OSBPL1A: variants seen among roughly 807,000 people sequenced by gnomAD.
OSBPL1A encodes the protein oxysterol-binding protein-related protein 1.
Under a neutral mutation model 137.1 loss-of-function variants are expected in OSBPL1A, and 80 were observed. The observed-to-expected ratio is 0.58, with a 90% CI of 0.49 to 0.70. OSBPL1A has a LOEUF of 0.70. Among genes scored for constraint, OSBPL1A ranks in the 30% least tolerant of loss-of-function variants. The pLI is 0.00. For missense variants in OSBPL1A, 970 were observed against 1,129.4 expected (o/e 0.86, Z 2.02); for synonymous variants, 365 against 389.7 (o/e 0.94, Z 0.75).
At chr18:24,377,677 G>C (rs556165736) in intron 1 of OSBPL1A, 142 bp from the exon 2 acceptor site, 1 of 865,156 alleles carries the variant, frequency 1.2e-6, no homozygotes, top group African/African-American at 1.7e-5. Flanking sequence ...TCCGTTGCAG[G>C]GTGAGAACTT....
chr18:24,182,500 C>T (rs141646214), intron 18 of OSBPL1A, among the ~76,000 whole-genome samples: 1 of 152,284 alleles, frequency 6.6e-6, no homozygotes, highest in East Asian at 1.9e-4. Flanking sequence ...GGCTGAATGC[C>T]ACCTGACTTA....
intron 4 of OSBPL1A, among the ~76,000 whole-genome samples, chr18:24,361,701 C>A (rs1040430155): frequency 1.3e-5 from 2 of 152,130 alleles, no homozygotes; most frequent in Non-Finnish European, 2.9e-5. Flanking sequence ...ATTAATGCAA[C>A]TTAGTAGCAG....
intron 16 of OSBPL1A, among the ~76,000 whole-genome samples, chr18:24,233,819 CTT>C (rs1252655503): frequency 6.6e-6 from 1 of 151,978 alleles, no homozygotes; most frequent in Non-Finnish European, 1.5e-5. Context: ...CGGATAAAGT[CTT>C]TTGTATTTTT....
At chr18:24,224,967 CAT>C in intron 17 of OSBPL1A, 73 bp downstream of exon 17, 1 of 1,565,756 alleles carries the variant, frequency 6.4e-7, no homozygotes, top group Admixed American at 1.7e-5. Flanking sequence ...GAAGACAAGA[CAT>C]ATATTTCTTT....
chr18:24,250,189 T>TTTTTTTTTTG (rs2089043904), intron 15 of OSBPL1A, among the ~76,000 whole-genome samples: 1 of 21,800 alleles, frequency 4.6e-5, no homozygotes, highest in Non-Finnish European at 9.2e-5. Context: ...TTTGTTTGTT[T>TTTTTTTTTTG]TTTTTGACAT....
chr18:24,175,133 T>TAC lies in OSBPL1A; in HGVS notation c.2094-2651_2094-2650insGT, dbSNP rs1555625088. ...GTATATATATATATATATATATATA[T>TAC]ATACACATATATATATATATATGAA... On this transcript the variant is annotated intron_variant, in intron 21 of 27. Coordinates refer to ENST00000319481, the MANE Select transcript of OSBPL1A (RefSeq NM_080597.4). Among the ~76,000 whole-genome samples the TAC allele has an allele frequency of 2.0e-3, 251 of 122,654 alleles. 10 individuals are homozygous for TAC. Among genetic ancestry groups the TAC allele is most frequent in the African/African-American group, 8.8e-3 (244 of 27,850 alleles). 80.5% of individuals were successfully genotyped at this position (122,654 alleles called of 152,430 possible). A position where few individuals can be genotyped will look rare whatever the true frequency, so the allele number is the denominator to read the frequency against.
chr18:24,397,489 GC>G (rs2144302714), intron 1 of OSBPL1A, 165 bp downstream of exon 1: 2 of 152,454 alleles, frequency 1.3e-5, no homozygotes, highest in East Asian at 3.9e-4. Flanking sequence ...CTCGGCTGCA[GC>G]CCTGCGTCGC....
At chr18:24,346,474 C>T (rs534801407) in intron 4 of OSBPL1A, among the ~76,000 whole-genome samples, 27 of 152,244 alleles carry the variant, frequency 1.8e-4, no homozygotes, top group African/African-American at 6.0e-4. Flanking sequence ...CTGCCTATTT[C>T]CCCTCCTCAT....
intron 17 of OSBPL1A, among the ~76,000 whole-genome samples, chr18:24,208,764 A>G (rs993689686): frequency 1.3e-5 from 2 of 152,240 alleles, no homozygotes; most frequent in Admixed American, 1.3e-4. Flanking sequence ...TTAGGGATCT[A>G]GAATGAGTAA....
At chr18:24,235,727 G>T (rs543171339) in intron 16 of OSBPL1A, among the ~76,000 whole-genome samples, 1 of 152,298 alleles carries the variant, frequency 6.6e-6, no homozygotes, top group Non-Finnish European at 1.5e-5. Context: ...AGAGATCAAG[G>T]CTGGAGATAT....
At chr18:24,230,042 G>A (rs2088222199) in intron 16 of OSBPL1A, among the ~76,000 whole-genome samples, 2 of 152,178 alleles carry the variant, frequency 1.3e-5, no homozygotes, top group African/African-American at 4.8e-5. Flanking sequence ...GGGCCACCAC[G>A]CCCCACCAAT....
At chr18:24,319,789 C>T (rs954163725) in intron 7 of OSBPL1A, among the ~76,000 whole-genome samples, 3 of 152,038 alleles carry the variant, frequency 2.0e-5, no homozygotes, top group African/African-American at 7.2e-5. Flanking sequence ...ACAGTCCTTT[C>T]AAAACAACAT....
chr18:24,269,539 TATAA>T (rs1249844067), intron 15 of OSBPL1A, among the ~76,000 whole-genome samples: 1 of 152,128 alleles, frequency 6.6e-6, no homozygotes, highest in Non-Finnish European at 1.5e-5. Flanking sequence ...GTAAACAATC[TATAA>T]ATATTTATCA....
chr18:24,224,925 T>G (rs149281380), intron 17 of OSBPL1A, 117 bp downstream of exon 17: 386 of 1,307,084 alleles, frequency 3.0e-4, no homozygotes, highest in Admixed American at 7.2e-4. Flanking sequence ...TGAGGTGATA[T>G]AGCAATATAA....
intron 15 of OSBPL1A, among the ~76,000 whole-genome samples, chr18:24,254,568 A>G (rs898002841): frequency 1.3e-5 from 2 of 152,182 alleles, no homozygotes; most frequent in African/African-American, 4.8e-5. Flanking sequence ...CAAACAAACA[A>G]TATGCTCCTG....
intron 17 of OSBPL1A, 98 bp downstream of exon 17, chr18:24,224,944 C>G: frequency 6.8e-7 from 1 of 1,473,566 alleles, no homozygotes; most frequent in African/African-American, 1.4e-5. Flanking sequence ...AAATCCCCTA[C>G]ACGGGGAAAA....
intron 15 of OSBPL1A, among the ~76,000 whole-genome samples, chr18:24,268,819 A>G (rs2089645917): frequency 6.6e-6 from 1 of 152,146 alleles, no homozygotes; most frequent in East Asian, 1.9e-4. Flanking sequence ...TTTGACCTCA[A>G]TTACCATGTT....
chr18:24,358,365 G>C (rs531888210), intron 4 of OSBPL1A: 2 of 662,998 alleles, frequency 3.0e-6, no homozygotes, highest in East Asian at 5.4e-5. Flanking sequence ...CAGCAGAAAG[G>C]CTGAGGCATC....
At chr18:24,197,072 G>GGC (rs2087056390) in intron 17 of OSBPL1A, among the ~76,000 whole-genome samples, 2 of 152,218 alleles carry the variant, frequency 1.3e-5, no homozygotes, top group African/African-American at 2.4e-5. Flanking sequence ...TGCTGGCCGG[G>GGC]TGTGGTGGTT....
Sources: allele counts gnomAD v4.1 joint callset (sites outside exome capture counted in the v4.1 genomes callset), GRCh38; gene constraint gnomAD v4.1.1; transcripts MANE v1.5; gene names NCBI Gene and HGNC (gene_info 2026-07-23, HGNC 2026-07-21).